Variants in DNM3 observed in about 807,000 individuals in gnomAD.
DNM3 encodes the protein dynamin-3.
In DNM3, 47 loss-of-function variants were observed where a neutral mutation model predicts 101.6. That is an observed-to-expected ratio of 0.46 (90% CI 0.37 to 0.59). The LOEUF is 0.59. Ranked by LOEUF, DNM3 falls within the 20% of genes least tolerant of loss-of-function variation. The pLI is 0.00. For synonymous variants in DNM3, 385 were observed against 387.9 expected, an observed-to-expected ratio of 0.99 and a Z score of 0.09; for missense variants, 849 against 1,085.7, an observed-to-expected ratio of 0.78 and a Z score of 3.06.
chr1:172,336,182 G>T (rs1022995858), intron 17 of DNM3, among the ~76,000 whole-genome samples: 22 of 152,100 alleles, frequency 1.4e-4, no homozygotes, highest in Admixed American at 1.3e-3. Flanking sequence ...AATGTCAGTA[G>T]TACTGCTGTT....
intron 17 of DNM3, among the ~76,000 whole-genome samples, chr1:172,324,634 T>C (rs1156896465): frequency 6.6e-6 from 1 of 152,190 alleles, no homozygotes; most frequent in Non-Finnish European, 1.5e-5. Context: ...CACAAAGTAA[T>C]GGCTAATATT....
intron 14 of DNM3, among the ~76,000 whole-genome samples, chr1:172,158,413 G>A (rs2058423154): frequency 6.6e-6 from 1 of 152,008 alleles, no homozygotes; most frequent in Non-Finnish European, 1.5e-5. Context: ...ATGAAAAAAG[G>A]AGAACATTCC....
intron 1 of DNM3, among the ~76,000 whole-genome samples, chr1:171,897,742 T>A (rs1223749283): frequency 6.6e-6 from 1 of 152,248 alleles, no homozygotes; most frequent in Non-Finnish European, 1.5e-5. Context: ...AATAATTCTA[T>A]AACAAATTCT....
At chr1:172,187,583 G>A (rs921755983) in intron 14 of DNM3, among the ~76,000 whole-genome samples, 1 of 151,968 alleles carries the variant, frequency 6.6e-6, no homozygotes, top group African/African-American at 2.4e-5. Context: ...CTTGAGAATG[G>A]ATAGTAGCCT....
chr1:171,896,861 C>G (rs1020757587), intron 1 of DNM3, among the ~76,000 whole-genome samples: 2 of 152,050 alleles, frequency 1.3e-5, no homozygotes, highest in East Asian at 3.8e-4. Flanking sequence ...GGATTTTAGG[C>G]AGAGTTAACA....
intron 13 of DNM3, among the ~76,000 whole-genome samples, chr1:172,111,225 C>T (rs568120578): frequency 5.9e-5 from 9 of 152,262 alleles, no homozygotes; most frequent in African/African-American, 2.2e-4. Flanking sequence ...CTTTATCATC[C>T]TTGACCTCCC....
At chr1:172,188,196 G>A (rs1364216614) in intron 14 of DNM3, among the ~76,000 whole-genome samples, 1 of 152,052 alleles carries the variant, frequency 6.6e-6, no homozygotes, top group Non-Finnish European at 1.5e-5. Flanking sequence ...TGGCAATTCT[G>A]ATATTACTCC....
intron 2 of DNM3, among the ~76,000 whole-genome samples, chr1:171,976,019 T>C (rs1442867044): frequency 6.6e-6 from 1 of 151,922 alleles, no homozygotes; most frequent in East Asian, 1.9e-4. Flanking sequence ...AATATGGCAT[T>C]GGCATAAAGA....
chr1:171,920,837 T>C (rs2040100434), intron 1 of DNM3, among the ~76,000 whole-genome samples: 1 of 152,242 alleles, frequency 6.6e-6, no homozygotes, highest in African/African-American at 2.4e-5. Context: ...ACAAATGGAA[T>C]GAGAACAAAC....
rs374998337 is a variant in DNM3 at position 172,181,610 on chromosome 1, TA to T, written c.1659+50325del. ...AGTTGTTTTGTAGCCGTATTGCTAC[TA>T]AACTGGTGCCCAGCTCCAGGCCTGC... On this transcript the variant is annotated intron_variant, in intron 14 of 20. Transcript: ENST00000627582. Among the ~76,000 whole-genome samples the T allele has an allele frequency of 2.4e-3, 359 of 152,226 alleles. 1 individual carries two copies. Among genetic ancestry groups the T allele is most frequent in the African/African-American group, 8.3e-3 (345 of 41,572 alleles).
intron 2 of DNM3, among the ~76,000 whole-genome samples, chr1:171,948,411 C>T (rs961438134): frequency 1.3e-5 from 2 of 152,068 alleles, no homozygotes; most frequent in African/African-American, 4.8e-5. Flanking sequence ...TATTTGAGTG[C>T]CCAAGTTAAA....
intron 10 of DNM3, among the ~76,000 whole-genome samples, chr1:172,066,627 A>C (rs2051690316): frequency 1.3e-5 from 2 of 152,214 alleles, no homozygotes; most frequent in South Asian, 4.1e-4. Flanking sequence ...TTTAACATGA[A>C]TTTGGAGGAA....
intron 17 of DNM3, among the ~76,000 whole-genome samples, chr1:172,362,966 C>T (rs908081224): frequency 8.6e-5 from 13 of 151,808 alleles, no homozygotes; most frequent in African/African-American, 3.1e-4. Context: ...TTGAACCCTC[C>T]TCACCTTTTT....
At chr1:172,304,422 C>G (rs1491003070) in intron 15 of DNM3, among the ~76,000 whole-genome samples, 3 of 151,882 alleles carry the variant, frequency 2.0e-5, no homozygotes, top group African/African-American at 7.3e-5. Context: ...ACTTAGACTC[C>G]CATACAATAA....
At chr1:171,876,063 C>G (rs1200450188) in intron 1 of DNM3, among the ~76,000 whole-genome samples, 1 of 152,004 alleles carries the variant, frequency 6.6e-6, no homozygotes, top group Non-Finnish European at 1.5e-5. Context: ...CCCCCCTCGG[C>G]CTCGCAAAGT....
chr1:171,861,880 T>C (rs2034212082), intron 1 of DNM3, among the ~76,000 whole-genome samples: 1 of 152,152 alleles, frequency 6.6e-6, no homozygotes, highest in South Asian at 2.1e-4. Flanking sequence ...AAGGAACTCT[T>C]ATAACACAAC....
chr1:172,213,845 A>G (rs950025719), intron 14 of DNM3, among the ~76,000 whole-genome samples: 6 of 151,872 alleles, frequency 4.0e-5, no homozygotes, highest in African/African-American at 1.5e-4. Context: ...AAAAAAGCAT[A>G]TTGGCATCAG....
At chr1:172,263,182 G>A (rs1457813588) in intron 15 of DNM3, among the ~76,000 whole-genome samples, 2 of 152,168 alleles carry the variant, frequency 1.3e-5, no homozygotes, top group East Asian at 3.9e-4. Flanking sequence ...TGATAATAGT[G>A]AACTTAGAAG....
At chr1:171,906,978 A>T (rs1263176094) in intron 1 of DNM3, among the ~76,000 whole-genome samples, 1 of 152,210 alleles carries the variant, frequency 6.6e-6, no homozygotes, top group Non-Finnish European at 1.5e-5. Flanking sequence ...ACAAAATTTG[A>T]TTCTCACCAC....
Sources: allele counts gnomAD v4.1 joint callset (sites outside exome capture counted in the v4.1 genomes callset), GRCh38; gene constraint gnomAD v4.1.1; transcripts MANE v1.5; gene names NCBI Gene and HGNC (gene_info 2026-07-23, HGNC 2026-07-21).